LRRTM1: variants seen among roughly 807,000 people sequenced by gnomAD.
LRRTM1 encodes the protein leucine-rich repeat transmembrane neuronal protein 1.
In LRRTM1, 8 loss-of-function variants were observed where a neutral mutation model predicts 37.3. The ratio of observed to expected loss-of-function variants is 0.21; its 90% CI spans 0.13 to 0.39. The LOEUF is 0.39. Among genes scored for constraint, LRRTM1 ranks in the 10% least tolerant of loss-of-function variants. The pLI, the probability that LRRTM1 is intolerant of heterozygous loss-of-function variation, is 1.00. For missense variants in LRRTM1, 557 were observed against 691.0 expected, an observed-to-expected ratio of 0.81 and a Z score of 2.17; for synonymous variants, 326 against 316.8, an observed-to-expected ratio of 1.03 and a Z score of -0.31.
intron 2 of LRRTM1, among the ~76,000 whole-genome samples, chr2:80,290,227 A>G (rs973529722): frequency 6.6e-6 from 1 of 152,168 alleles, no homozygotes; most frequent in African/African-American, 2.4e-5. Flanking sequence ...TCCATGCCAG[A>G]TAGTTTTTTA....
At chr2:80,293,130 C>A (rs6760062) in intron 2 of LRRTM1, among the ~76,000 whole-genome samples, 39,933 of 152,130 alleles carry the variant, frequency 0.26, 5,965 homozygotes, top group Non-Finnish European at 0.34. Context: ...GACAGTGAGG[C>A]AAAATAACAG....
chr2:80,289,038 A>C (rs1675010518), exon 3 of LRRTM1: 1 of 152,104 alleles, frequency 6.6e-6, no homozygotes, highest in African/African-American at 2.4e-5. Context: ...GATGGGAGTA[A>C]TATGATGCGA....
downstream of LRRTM1, among the ~76,000 whole-genome samples, chr2:80,300,673 C>T (rs994288358): frequency 3.3e-5 from 5 of 152,014 alleles, no homozygotes; most frequent in East Asian, 1.9e-4. Context: ...CTTTAGTGTC[C>T]GTTAGAGAGG....
chr2:80,296,137 G>A (rs1327415132), intron 2 of LRRTM1, among the ~76,000 whole-genome samples: 2 of 152,118 alleles, frequency 1.3e-5, no homozygotes, highest in African/African-American at 2.4e-5. Context: ...GGCATGCAAT[G>A]TGTAACAATT....
intron 2 of LRRTM1, among the ~76,000 whole-genome samples, chr2:80,292,814 C>T (rs1031535380): frequency 6.6e-6 from 1 of 152,176 alleles, no homozygotes; most frequent in Non-Finnish European, 1.5e-5. Flanking sequence ...GCAATATAAT[C>T]GGAAGTTAAA....
chr2:80,292,127 C>A (rs1675316946), intron 2 of LRRTM1, among the ~76,000 whole-genome samples: 1 of 152,090 alleles, frequency 6.6e-6, no homozygotes, highest in Non-Finnish European at 1.5e-5. Context: ...CTGATTCAAC[C>A]CCTTCCTGGC....
rs200387230 is a variant in LRRTM1, at chr2:80,303,721, G to T, written c.99C>A (p.Pro33=). Residue 33 remains proline, a synonymous_variant, in exon 2 of 2, where the codon CCC becomes CCA. Transcript: ENST00000295057. The surrounding 1 kb of genome is among the most constrained non-coding windows in gnomAD (Gnocchi z 7.7). ...GCTGCGGGCACCCGCTGGGGGCGGC[G>T]GGCAGCATCTGAAAGCAGGCCCCCA... The part of the protein sequence containing the change: ...CLLGACFQML[P]AAPSGCPQLC... 191 of 1,606,334 alleles carry T rather than the reference G, an allele frequency of 1.2e-4. 1 individual carries two copies. The African/African-American group carries it at 1.8e-3, about 15-fold the overall frequency.
chr2:80,294,412 C>T (rs376940470), intron 2 of LRRTM1, among the ~76,000 whole-genome samples: 34 of 152,140 alleles, frequency 2.2e-4, no homozygotes, highest in African/African-American at 7.5e-4. Flanking sequence ...AGGTGACTCC[C>T]TTCTCCCTGC....
chr2:80,289,964 G>C (rs1675096681), intron 2 of LRRTM1, among the ~76,000 whole-genome samples: 1 of 152,122 alleles, frequency 6.6e-6, no homozygotes, highest in Non-Finnish European at 1.5e-5. Flanking sequence ...GGCCTCAAAA[G>C]TCACTGTGTG....
Position 80,292,763 on chromosome 2 carries a change from C to G in LRRTM1, c.*307-3568G>C, listed in dbSNP as rs531067981. Among the ~76,000 whole-genome samples the G allele has an allele frequency of 2.6e-5, 4 of 152,280 alleles. 1 individual carries two copies. In the South Asian group the frequency reaches 8.3e-4, roughly 32 times the overall value. On this transcript the variant is annotated intron_variant and NMD_transcript_variant, in intron 2 of 2. Coordinates refer to the LRRTM1 transcript ENST00000417012. ...CACTCCACAAATGTTGACTTAAGCT[C>G]TGAACAAGAAATGTTGTGCTACTTT... is the stretch of plus-strand genomic sequence containing the variant.
chr2:80,294,282 A>G (rs1675529425), intron 2 of LRRTM1, among the ~76,000 whole-genome samples: 1 of 152,188 alleles, frequency 6.6e-6, no homozygotes, highest in Non-Finnish European at 1.5e-5. Flanking sequence ...CAAATATAAG[A>G]ATAATTCTAA....
Position 80,292,032 on chromosome 2 carries a change from A to C in LRRTM1, c.*307-2837T>G, listed in dbSNP as rs553051956. 1.4e-3 allele frequency among the ~76,000 whole-genome samples: 207 copies of C among 152,320 alleles called. 1 individual carries two copies. The highest frequency in any genetic ancestry group is 2.2e-3 in the Non-Finnish European group (148 of 68,024). ...TCCCTCTTTTAGGCCCAGTGCTTTC[A>C]GGAATTCAGGTTTTTGAGTCTCATC... On this transcript the variant is annotated intron_variant and NMD_transcript_variant, in intron 2 of 2. Transcript: ENST00000417012.
chr2:80,296,647 G>A (rs564999305), intron 2 of LRRTM1, among the ~76,000 whole-genome samples: 5 of 152,328 alleles, frequency 3.3e-5, no homozygotes, highest in Admixed American at 6.5e-5. Flanking sequence ...TAAAGCTGAA[G>A]CACAGCATGA....
At chr2:80,298,860 G>C (rs1022672217), downstream of LRRTM1, 6 of 152,260 alleles carry the variant, frequency 3.9e-5, no homozygotes, top group Non-Finnish European at 7.4e-5. Flanking sequence ...TAATATCAAG[G>C]CTAAGATCTG....
Position 80,303,238 on chromosome 2 carries a change from G to A in LRRTM1, c.582C>T (p.Tyr194=). The stretch of plus-strand genomic sequence containing the variant: ...TGCGCGCCAGACTCTTGAGCTGATT[G>A]TATCCGATGTCGAGAAACTTGAGGC... The part of the protein sequence containing the change: ...CRSLKFLDIG[Y]NQLKSLARNS... The change falls in exon 2 of 2, where the codon TAC becomes TAT. Residue 194 remains tyrosine (Y), a synonymous_variant. Transcript: ENST00000295057. The surrounding 1 kb of genome is among the most constrained non-coding windows in gnomAD (Gnocchi z 7.7). 6.2e-7 allele frequency: 1 copy of A among 1,613,800 alleles called. No individual in the cohort carries two copies. The highest frequency in any genetic ancestry group is 8.5e-7 in the Non-Finnish European group (1 of 1,179,972).
chr2:80,296,038 T>C (rs1371053068), intron 2 of LRRTM1, among the ~76,000 whole-genome samples: 1 of 152,204 alleles, frequency 6.6e-6, no homozygotes, highest in Non-Finnish European at 1.5e-5. Flanking sequence ...TTGATTTTTT[T>C]CTAGCTTATT....
rs534392574 is a variant in LRRTM1 at position 80,302,363 on chromosome 2, T to C, written c.1457A>G (p.Gln486Arg). The C allele has an allele frequency of 6.2e-7, 1 of 1,614,234 alleles. No homozygotes were observed. The highest frequency in any genetic ancestry group is 1.1e-5 in the South Asian group (1 of 91,092). The stretch of plus-strand genomic sequence containing the variant: ...CGGTTTGTAATCAACGTAGTATTCC[T>C]GGGCAGACATGGCAGCCATCTGATG... ...TMHQMAAMSA[Q>R]EYYVDYKPNH... Residue 486 changes from glutamine (Q) to arginine (R), a missense_variant, in exon 2 of 2, where the codon CAG (glutamine) becomes CGG (arginine). Gln to Arg is a conservative substitution (Grantham distance 43, BLOSUM62 1). Coordinates refer to ENST00000295057, the MANE Select transcript of LRRTM1 (RefSeq NM_178839.5). The surrounding 1 kb of genome is among the most constrained non-coding windows in gnomAD (Gnocchi z 6.4).
At chr2:80,298,791 AT>A (rs1675989363), downstream of LRRTM1, 1 of 152,176 alleles carries the variant, frequency 6.6e-6, no homozygotes, top group African/African-American at 2.4e-5. Context: ...TTCCTTTGCG[AT>A]GGTAACTTTG....
downstream of LRRTM1, chr2:80,298,772 G>A (rs1675987665): frequency 6.6e-6 from 1 of 152,162 alleles, no homozygotes; most frequent in African/African-American, 2.4e-5. Context: ...CCTTTTACTG[G>A]AATAACCTTT....
Sources: gnomAD v4.1 joint callset for allele counts (sites outside exome capture counted in the v4.1 genomes callset) on GRCh38, gnomAD v4.1.1 for gene constraint, Gnocchi (gnomAD v3.1) non-coding constraint, MANE v1.5 for transcripts, NCBI Gene and HGNC (gene_info 2026-07-23, HGNC 2026-07-21) for gene names.